Variants in UBR3 observed in about 807,000 individuals in gnomAD.
UBR3 encodes the protein ubiquitin protein ligase E3 component n-recognin 3.
In UBR3, 85 loss-of-function variants were observed where a neutral mutation model predicts 243.2. The ratio of observed to expected loss-of-function variants is 0.35; its 90% confidence interval spans 0.29 to 0.42. The LOEUF (loss-of-function observed/expected upper bound fraction) is 0.42. Ranked by LOEUF, UBR3 falls within the 10% of genes least tolerant of loss-of-function variation. UBR3 has a pLI of 1.00. For synonymous variants in UBR3, 748 were observed against 799.8 expected, an observed-to-expected ratio of 0.94 and a Z score of 1.09; for missense variants, 1,686 against 2,300.8, an observed-to-expected ratio of 0.73 and a Z score of 5.47.
chr2:169,911,701 C>T (rs920005582), intron 10 of UBR3, among the ~76,000 whole-genome samples: 1 of 152,116 alleles, frequency 6.6e-6, no homozygotes, highest in Non-Finnish European at 1.5e-5. Context: ...CCAGTTTACA[C>T]TTGCGCTAAG....
chr2:170,008,546 T>G (rs574141149), intron 28 of UBR3, among the ~76,000 whole-genome samples: 7 of 152,182 alleles, frequency 4.6e-5, no homozygotes, highest in Non-Finnish European at 7.4e-5. Flanking sequence ...TGGCTTAGCA[T>G]AATTTATGTG....
rs1341872165 is a variant in UBR3 at position 169,949,986 on chromosome 2, A to T, written c.3466A>T (p.Ile1156Leu). 1.2e-6 allele frequency: 2 copies of T among 1,613,596 alleles called. No homozygotes were observed. The highest frequency in any genetic ancestry group is 8.5e-7 in the Non-Finnish European group (1 of 1,179,694). The change falls in exon 23 of 39, where the codon ATA becomes TTA. Residue 1156 changes from isoleucine (I) to leucine (L), a missense_variant. Transcript: ENST00000272793. ...AATGAACAAACGCATCATTGAAGAG[A>T]TATGTAGAAAAGTGACCCCTCCTGT... ...SRMNKRIIEE[I>L]CRKVTPPVPP...
intron 32 of UBR3, among the ~76,000 whole-genome samples, chr2:170,045,624 G>A (rs2091065066): frequency 6.6e-6 from 1 of 152,100 alleles, no homozygotes. Context: ...AAATATCTCA[G>A]TTTTGCTTTG....
chr2:169,905,011 A>G, intron 8 of UBR3, 103 bp from the exon 9 acceptor site: 1 of 987,486 alleles, frequency 1.0e-6, no homozygotes, highest in Non-Finnish European at 1.3e-6. Context: ...CTGGGGTTTG[A>G]ATTTAGGTAT....
intron 5 of UBR3, among the ~76,000 whole-genome samples, chr2:169,879,561 T>G (rs1458555847): frequency 6.6e-6 from 1 of 152,190 alleles, no homozygotes; most frequent in African/African-American, 2.4e-5. Context: ...TTCTGGCTCC[T>G]TTACCTATTA....
At chr2:170,069,446 C>G (rs1177623563) in intron 35 of UBR3, among the ~76,000 whole-genome samples, 1 of 151,976 alleles carries the variant, frequency 6.6e-6, no homozygotes, top group African/African-American at 2.4e-5. Context: ...TATCTGTTTT[C>G]TGATAACATT....
Position 170,074,182 on chromosome 2 carries a change from A to G in UBR3, c.5199+575A>G, listed in dbSNP as rs562223477. Among the ~76,000 whole-genome samples the G allele has an allele frequency of 1.7e-4, 26 of 152,286 alleles. No individual in the cohort carries two copies. In the South Asian group the frequency reaches 5.4e-3, roughly 32 times the overall value. ...TGGGGAGTAATTCTGGTGTCTTTTT[A>G]GTGGATAAATTAAAGTAAGGATAAA... On this transcript the variant is annotated intron_variant, in intron 36 of 38. Coordinates refer to ENST00000272793, the MANE Select transcript of UBR3 (RefSeq NM_172070.4).
intron 11 of UBR3, among the ~76,000 whole-genome samples, chr2:169,914,430 T>C (rs2085374084): frequency 6.6e-6 from 1 of 152,220 alleles, no homozygotes; most frequent in Non-Finnish European, 1.5e-5. Flanking sequence ...TGTCTCATTA[T>C]TTCTCAGGGT....
rs902503350 is a variant in UBR3, at chr2:169,872,279, T to C, written c.589T>C (p.Cys197Arg). 1.3e-6 allele frequency: 2 copies of C among 1,537,408 alleles called. No individual in the cohort carries two copies. The highest frequency in any genetic ancestry group is 2.0e-5 in the Admixed American group (1 of 49,156). Reference protein sequence around the residue: ...HQIKSSSNIPCVPKDLLMMSE... With the variant: ...HQIKSSSNIPRVPKDLLMMSE... ...AATTAAATCAAGTTCAAATATTCCC[T>C]GTGTCCCTAAAGACTTACTGATGAT... is the stretch of plus-strand genomic sequence containing the variant. Residue 197 changes from cysteine to arginine, a missense_variant, in exon 2 of 39, where the codon TGT becomes CGT. Coordinates refer to ENST00000272793, the MANE Select transcript of UBR3 (RefSeq NM_172070.4).
chr2:169,916,340 C>T (rs2085463314), intron 11 of UBR3, among the ~76,000 whole-genome samples: 1 of 152,048 alleles, frequency 6.6e-6, no homozygotes, highest in Admixed American at 6.6e-5. Flanking sequence ...TTATGTATGA[C>T]CAATCTCATA....
intron 31 of UBR3, among the ~76,000 whole-genome samples, chr2:170,031,617 G>GTT (rs1173246097): frequency 1.3e-5 from 2 of 152,070 alleles, no homozygotes; most frequent in African/African-American, 4.8e-5. Flanking sequence ...GGGTGTGATT[G>GTT]TTTTTATCAT....
chr2:170,037,667 C>T (rs1466399), intron 31 of UBR3, among the ~76,000 whole-genome samples: 108,275 of 151,982 alleles, frequency 0.71, 39,461 homozygotes, highest in East Asian at 0.88. Context: ...GGATTACAGG[C>T]GTGAGCCACT....
chr2:170,055,632 T>G (rs752330634), intron 33 of UBR3, 48 bp downstream of exon 33: 1 of 1,604,456 alleles, frequency 6.2e-7, no homozygotes. Flanking sequence ...TGAAGTCATT[T>G]AAGCTGGGGA....
intron 5 of UBR3, among the ~76,000 whole-genome samples, chr2:169,884,433 C>T (rs937812084): frequency 6.6e-6 from 1 of 152,168 alleles, no homozygotes; most frequent in Non-Finnish European, 1.5e-5. Context: ...CAGGCGTGAG[C>T]CATGGCTCCC....
intron 33 of UBR3, among the ~76,000 whole-genome samples, chr2:170,058,120 A>G (rs1366981369): frequency 6.6e-6 from 1 of 152,176 alleles, no homozygotes; most frequent in Non-Finnish European, 1.5e-5. Flanking sequence ...GTAACTACTT[A>G]GATTTCTGCA....
intron 5 of UBR3, among the ~76,000 whole-genome samples, chr2:169,888,567 A>T (rs974031935): frequency 1.3e-5 from 2 of 152,184 alleles, no homozygotes; most frequent in Admixed American, 6.5e-5. Context: ...AACATCTATA[A>T]AAAGGAATAT....
chr2:170,007,310 G>C (rs752820267), intron 28 of UBR3, 120 bp downstream of exon 28: 19 of 1,073,928 alleles, frequency 1.8e-5, no homozygotes, highest in Non-Finnish European at 2.4e-5. Context: ...ATTGCTTTTA[G>C]AGGTTTTGTT....
In UBR3 at chr2:170,080,029, C is replaced by A; in HGVS notation, c.5409+6C>A. The A allele has an allele frequency of 6.2e-7, 1 of 1,608,044 alleles. No homozygotes were observed. Among genetic ancestry groups the A allele is most frequent in the South Asian group, 1.1e-5 (1 of 89,510 alleles). ...GTTACTGTGAATGTGTACTGGTAAGCAATAGTAGATAATACAAAATTTATG... is the reference window on the plus strand; with the variant it reads ...GTTACTGTGAATGTGTACTGGTAAGAAATAGTAGATAATACAAAATTTATG... On this transcript the variant is annotated splice_donor_region_variant and intron_variant, in intron 37 of 38. Transcript: ENST00000272793.
chr2:170,078,181 C>A (rs1036135466), intron 36 of UBR3: 5 of 547,934 alleles, frequency 9.1e-6, no homozygotes, highest in Non-Finnish European at 1.7e-5. Flanking sequence ...TTTTCTTTGA[C>A]TTCTTTGAAT....
Sources: allele counts gnomAD v4.1 joint callset (sites outside exome capture counted in the v4.1 genomes callset), GRCh38; gene constraint gnomAD v4.1.1; transcripts MANE v1.5; gene names NCBI Gene and HGNC (gene_info 2026-07-23, HGNC 2026-07-21).